Variants in PCDH11Y observed in about 807,000 individuals in gnomAD.
The protein encoded by PCDH11Y is protocadherin 11 Y-linked.
For synonymous variants in PCDH11Y, 9 were observed against 83.6 expected, an observed-to-expected ratio of 0.11 and a Z score of 4.87; for missense variants, 12 against 224.8, an observed-to-expected ratio of 0.05 and a Z score of 6.05.
intron 3 of PCDH11Y, among the ~76,000 whole-genome samples, chrY:5,570,852 GA>G (rs2053438780): frequency 3.1e-5 from 1 of 31,746 alleles, no homozygotes; most frequent in Non-Finnish European, 7.7e-5. Flanking sequence ...ATATTAGAGA[GA>G]AAAAATATAA....
chrY:5,698,405 T>A (rs2124711548), intron 4 of PCDH11Y, among the ~76,000 whole-genome samples: 1 of 32,962 alleles, frequency 3.0e-5, no homozygotes, highest in Admixed American at 2.8e-4. Context: ...TATCTTGAAG[T>A]ATGTTTTTCA....
chrY:5,487,693 T>C, intron 2 of PCDH11Y, among the ~76,000 whole-genome samples: 2 of 33,434 alleles, frequency 6.0e-5, no homozygotes, highest in East Asian at 7.8e-4. Context: ...TGTAAATGTA[T>C]GTATCACAAC....
chrY:5,194,243 C>T (rs2052916007), intron 2 of PCDH11Y, among the ~76,000 whole-genome samples: 1 of 29,929 alleles, frequency 3.3e-5, no homozygotes, highest in Non-Finnish European at 7.9e-5. Context: ...TTAGAACAGC[C>T]TGGGCAACAT....
intron 3 of PCDH11Y, among the ~76,000 whole-genome samples, chrY:5,033,363 C>T: frequency 9.4e-5 from 1 of 10,614 alleles, no homozygotes; most frequent in Non-Finnish European, 1.7e-4. Context: ...AACTAATAGG[C>T]TATCCCCCCA....
At position 5,021,326 on chromosome Y, in the gene PCDH11Y, G is replaced by A; in HGVS notation, c.-133-10580G>A. 3.0e-4 allele frequency among the ~76,000 whole-genome samples: 10 copies of A among 32,859 alleles called. No individual in the cohort carries two copies. The South Asian group carries it at 7.0e-3, about 23-fold the overall frequency. The allele number at this position is 32,859 out of a possible 37,273, so 88.2% of individuals were successfully genotyped here. A position where few individuals can be genotyped will look rare whatever the true frequency, so the allele number is the denominator to read the frequency against. ...GTGGATCGCTTGAGGCCAGGAGTTC[G>A]AAATCAGCCTGGCCAACATGGCATA... On this transcript the variant is annotated intron_variant, in intron 1 of 5. Coordinates refer to the PCDH11Y transcript ENST00000333703.
intron 2 of PCDH11Y, among the ~76,000 whole-genome samples, chrY:5,444,897 A>G: frequency 3.1e-5 from 1 of 31,760 alleles, no homozygotes; most frequent in Non-Finnish European, 7.7e-5. Flanking sequence ...AGGCAGCAAC[A>G]TGGAGGAATA....
chrY:5,296,107 G>A (rs2053074322), intron 2 of PCDH11Y, among the ~76,000 whole-genome samples: 14 of 32,481 alleles, frequency 4.3e-4, no homozygotes, highest in Non-Finnish European at 7.5e-4. Flanking sequence ...GTTCATCGGT[G>A]TCTGGGCATT....
chrY:5,367,665 C>T (rs2053182397), intron 2 of PCDH11Y, among the ~76,000 whole-genome samples: 1 of 27,911 alleles, frequency 3.6e-5, no homozygotes, highest in African/African-American at 1.4e-4. Context: ...GGATTACAGG[C>T]GTGAGCCACC....
chrY:5,417,420 A>G, intron 2 of PCDH11Y, among the ~76,000 whole-genome samples: 1 of 31,763 alleles, frequency 3.1e-5, no homozygotes, highest in Non-Finnish European at 7.6e-5. Context: ...ACTTGGAGAT[A>G]GAAAGGTGAG....
intron 1 of PCDH11Y, among the ~76,000 whole-genome samples, chrY:5,025,119 G>T (rs2052576895): frequency 6.1e-5 from 2 of 32,950 alleles, no homozygotes; most frequent in African/African-American, 2.3e-4. Context: ...TGTATCATAA[G>T]ACTGCTGTAT....
chrY:5,320,498 C>T, intron 2 of PCDH11Y, among the ~76,000 whole-genome samples: 1 of 33,331 alleles, frequency 3.0e-5, no homozygotes, highest in Non-Finnish European at 7.4e-5. Flanking sequence ...AATCATTGAG[C>T]ACTTTTAGGC....
intron 3 of PCDH11Y, among the ~76,000 whole-genome samples, chrY:5,521,942 C>T (rs2053381514): frequency 3.0e-5 from 1 of 33,150 alleles, no homozygotes. Context: ...CAATCGATCT[C>T]GGCTCACTGC....
chrY:5,328,679 A>G, intron 2 of PCDH11Y, among the ~76,000 whole-genome samples: 1 of 32,572 alleles, frequency 3.1e-5, no homozygotes, highest in East Asian at 8.2e-4. Context: ...CCACCTTTTT[A>G]AGAATAAATT....
At chrY:5,384,587 T>C (rs2124674751) in intron 2 of PCDH11Y, among the ~76,000 whole-genome samples, 1 of 28,904 alleles carries the variant, frequency 3.5e-5, no homozygotes, top group South Asian at 8.2e-4. Flanking sequence ...CTTAACCTCA[T>C]TGGGATTAAA....
intron 4 of PCDH11Y, among the ~76,000 whole-genome samples, chrY:5,631,813 C>T: frequency 8.9e-5 from 3 of 33,679 alleles, no homozygotes; most frequent in South Asian, 6.5e-4. Context: ...ACTGAGCCAG[C>T]GTGTCACAGT....
intron 2 of PCDH11Y, among the ~76,000 whole-genome samples, chrY:5,428,588 G>A: frequency 1.5e-4 from 5 of 33,031 alleles, no homozygotes; most frequent in African/African-American, 2.4e-4. Flanking sequence ...CAAAGTTGGA[G>A]TACACTCTAA....
intron 2 of PCDH11Y, among the ~76,000 whole-genome samples, chrY:5,230,462 A>T: frequency 3.0e-5 from 1 of 33,143 alleles, no homozygotes; most frequent in African/African-American, 1.2e-4. Context: ...TAAATATGTC[A>T]TGCCACTCTC....
chrY:5,697,887 G>C, intron 4 of PCDH11Y, among the ~76,000 whole-genome samples: 1 of 28,850 alleles, frequency 3.5e-5, no homozygotes, highest in African/African-American at 1.3e-4. Context: ...TTATAGACTT[G>C]TTAATGTAGT....
intron 4 of PCDH11Y, among the ~76,000 whole-genome samples, chrY:5,598,040 A>G: frequency 6.2e-5 from 2 of 32,120 alleles, no homozygotes. Flanking sequence ...AATTGTATTA[A>G]AACTGATTTC....
Sources: allele counts gnomAD v4.1 joint callset (sites outside exome capture counted in the v4.1 genomes callset), GRCh38; gene constraint gnomAD v4.1.1; transcripts MANE v1.5; gene names NCBI Gene and HGNC (gene_info 2026-07-23, HGNC 2026-07-21).